The following USP26 variants were observed in gnomAD, a reference collection of about 807,000 sequenced individuals.
The protein encoded by USP26 is ubiquitin carboxyl-terminal hydrolase 26.
For missense variants in USP26, 649 were observed against 642.3 expected (o/e 1.01, Z -0.11); for synonymous variants, 236 against 240.6 (o/e 0.98, Z 0.18).
rs1278670573 is a variant in USP26 at position 133,083,767 on chromosome X, G to A, written c.-137C>T. ...GCAGCCCAGGTTAAAGCAGAAACAG[G>A]GAATCTGTTGGGAAGAGGTCAAAAT... On this transcript the variant is annotated 5_prime_UTR_variant, in exon 5 of 6. Transcript: ENST00000511190. 1 of 111,525 alleles carries A rather than the reference G, an allele frequency of 9.0e-6. No homozygotes were observed. The allele number at this position is 111,525 out of a possible 1,213,427, so 9.2% of individuals were successfully genotyped here. A position where few individuals can be genotyped will look rare whatever the true frequency, so the allele number is the denominator to read the frequency against.
At chrX:133,031,695 C>A (rs755009158) in intron 5 of USP26, among the ~76,000 whole-genome samples, 4 of 111,585 alleles carry the variant, frequency 3.6e-5, no homozygotes, top group African/African-American at 6.5e-5. Context: ...GTATGGAGTA[C>A]TAGAAAGCAT....
At position 133,025,350 on chromosome X, in the gene USP26, T is replaced by C; in HGVS notation, c.*129A>G. On this transcript the variant is annotated 3_prime_UTR_variant, in exon 6 of 6. Transcript: ENST00000511190. The stretch of plus-strand genomic sequence containing the variant: ...TGCAGATCTCCCCATTAAGTGTTTC[T>C]GTTTGACCTTTGGTCCTAGACTAAT... 1 of 1,044,975 alleles carries C rather than the reference T, an allele frequency of 9.6e-7. No individual in the cohort carries two copies. The highest frequency in any genetic ancestry group is 1.3e-6 in the Non-Finnish European group (1 of 774,501). The allele number at this position is 1,044,975 out of a possible 1,213,427, so 86.1% of individuals were successfully genotyped here.
chrX:133,060,857 G>GA (rs1349559596), intron 5 of USP26, among the ~76,000 whole-genome samples: 1 of 110,591 alleles, frequency 9.0e-6, no homozygotes, highest in Non-Finnish European at 1.9e-5. Flanking sequence ...AAAATATTCA[G>GA]AAAAAAAATC....
intron 5 of USP26, among the ~76,000 whole-genome samples, chrX:133,053,257 G>A (rs762477733): frequency 1.5e-4 from 17 of 111,862 alleles, no homozygotes; most frequent in Non-Finnish European, 3.0e-4. Context: ...AAGTACAGAG[G>A]GCTGGCGTGG....
chrX:133,031,577 C>CA (rs201967236), intron 5 of USP26, among the ~76,000 whole-genome samples: 1,848 of 110,844 alleles, frequency 0.017, 20 homozygotes, highest in Middle Eastern at 0.032. Context: ...GGGCACAATA[C>CA]AAAAAAACAT....
At position 133,070,093 on chromosome X, in the gene USP26, T is replaced by C. The variant is rs770273357; in HGVS notation, c.-77+13614A>G. Among the ~76,000 whole-genome samples the C allele has an allele frequency of 1.7e-3, 191 of 111,024 alleles. 2 individuals are homozygous for C. The highest frequency in any genetic ancestry group is 5.9e-3 in the African/African-American group (180 of 30,563). ...CATGAACTATTACAGCAAAAGACGATAGAGGATCTCCTAAGATAAAAATTT... is the reference window on the plus strand; with the variant it reads ...CATGAACTATTACAGCAAAAGACGACAGAGGATCTCCTAAGATAAAAATTT... On this transcript the variant is annotated intron_variant, in intron 5 of 5. Coordinates refer to ENST00000511190, the MANE Select transcript of USP26 (RefSeq NM_031907.3).
In USP26 at chrX:133,025,709, T is replaced by C. The variant is rs2067343296; in HGVS notation, c.2512A>G (p.Lys838Glu). Residue 838 changes from lysine to glutamate, a missense_variant, in exon 6 of 6, where the codon AAG (lysine) becomes GAG (glutamate). By Grantham distance (56) the Lys-to-Glu change is moderately conservative. Transcript: ENST00000511190. ...GCATCACAGATATAATGGCCTGACTTTAGAGTCTTCCCAAGATGGCTGACA... is the reference window on the plus strand; with the variant it reads ...GCATCACAGATATAATGGCCTGACTCTAGAGTCTTCCCAAGATGGCTGACA... ...SVVSHLGKTL[K>E]SGHYICDAYD... is the part of the protein sequence containing the mutation. 1 of 1,211,665 alleles carries C rather than the reference T, an allele frequency of 8.3e-7. No homozygotes were observed. The highest frequency in any genetic ancestry group is 1.1e-6 in the Non-Finnish European group (1 of 895,425).
At chrX:133,055,859 T>G (rs1439317569) in intron 5 of USP26, among the ~76,000 whole-genome samples, 6 of 111,940 alleles carry the variant, frequency 5.4e-5, no homozygotes, top group Non-Finnish European at 1.1e-4. Context: ...ACCAATTCTA[T>G]CAGATTAGAA....
chrX:133,073,150 C>T (rs1038151996), intron 5 of USP26, among the ~76,000 whole-genome samples: 2 of 110,050 alleles, frequency 1.8e-5, no homozygotes, highest in Non-Finnish European at 3.8e-5. Flanking sequence ...AGTAGAAAAC[C>T]AGTACTCCAT....
At chrX:133,049,246 T>G (rs928697223) in intron 5 of USP26, among the ~76,000 whole-genome samples, 32 of 111,798 alleles carry the variant, frequency 2.9e-4, no homozygotes, top group African/African-American at 1.0e-3. Flanking sequence ...GAAACTTGGG[T>G]CACAAAAAAA....
rs1188114419 is a variant in USP26 at position 133,026,939 on chromosome X, T to C, written c.1282A>G (p.Ser428Gly). The C allele has an allele frequency of 8.3e-7, 1 of 1,211,477 alleles. No individual in the cohort carries two copies. Among genetic ancestry groups the C allele is most frequent in the East Asian group, 3.0e-5 (1 of 33,832 alleles). Residue 428 changes from serine to glycine, a missense_variant, in exon 6 of 6, where the codon AGT becomes GGT. Coordinates refer to ENST00000511190, the MANE Select transcript of USP26 (RefSeq NM_031907.3). ...KQVFADDPDT[S>G]GFSCPVITNF... ...GTAATGACAGGGCAAGAAAACCCAC[T>C]GGTGTCAGGATCATCAGCAAAAACC...
intron 4 of USP26, among the ~76,000 whole-genome samples, chrX:133,088,561 AC>A (rs1296003961): frequency 9.0e-6 from 1 of 110,816 alleles, no homozygotes; most frequent in Non-Finnish European, 1.9e-5. Context: ...GAGTTTGGAA[AC>A]CCCTGAGTTA....
chrX:133,028,675 A>G (rs2067365301), intron 5 of USP26, among the ~76,000 whole-genome samples: 1 of 112,002 alleles, frequency 8.9e-6, no homozygotes, highest in Non-Finnish European at 1.9e-5. Flanking sequence ...CTGAAAGTAT[A>G]CTCAATAGAG....
At chrX:133,062,709 C>T (rs2067497553) in intron 5 of USP26, among the ~76,000 whole-genome samples, 1 of 110,710 alleles carries the variant, frequency 9.0e-6, no homozygotes, top group Non-Finnish European at 1.9e-5. Context: ...GCAATAACAT[C>T]CACATCAACA....
chrX:133,037,117 G>T (rs924156958), intron 5 of USP26, among the ~76,000 whole-genome samples: 4 of 111,540 alleles, frequency 3.6e-5, no homozygotes, highest in African/African-American at 1.3e-4. Context: ...TCTCCCATTT[G>T]GTAGGTTGCC....
In USP26 at chrX:133,027,463, C is replaced by A; in HGVS notation, c.758G>T (p.Gly253Val). 1.7e-6 allele frequency: 2 copies of A among 1,210,801 alleles called. No individual in the cohort carries two copies. Among genetic ancestry groups the A allele is most frequent in the South Asian group, 3.5e-5 (2 of 56,953 alleles). The change falls in exon 6 of 6, where the codon GGT (glycine) becomes GTT (valine). Residue 253 changes from glycine (G) to valine (V), a missense_variant. Physicochemically the swap from Gly to Val is moderately radical, Grantham distance 109. Transcript: ENST00000511190. ...TTTCTCAGTGAGAGCTTGGAGAAGACCAATGTCATCTAGGTAAGGATTTCC... is the reference window on the plus strand; with the variant it reads ...TTTCTCAGTGAGAGCTTGGAGAAGAACAATGTCATCTAGGTAAGGATTTCC... ...ATGNPYLDDIGLLQALTEKMV... is the reference protein window; with the variant it reads ...ATGNPYLDDIVLLQALTEKMV...
intron 5 of USP26, among the ~76,000 whole-genome samples, chrX:133,032,769 T>C (rs1210833914): frequency 9.0e-6 from 1 of 111,370 alleles, no homozygotes; most frequent in Non-Finnish European, 1.9e-5. Flanking sequence ...AAGGGTGGAA[T>C]GGAACAATGA....
Position 133,050,976 on chromosome X carries a change from C to G in USP26, c.-76-22680G>C, listed in dbSNP as rs189694316. ...CTAGTAGCTATCATATTTGACAGTACAGATCTAAGATCTATAAAATAAGGT... is the reference window on the plus strand; with the variant it reads ...CTAGTAGCTATCATATTTGACAGTAGAGATCTAAGATCTATAAAATAAGGT... On this transcript the variant is annotated intron_variant, in intron 5 of 5. Transcript: ENST00000511190. 9.8e-5 allele frequency among the ~76,000 whole-genome samples: 11 copies of G among 111,916 alleles called. No homozygotes were observed. In the East Asian group the frequency reaches 2.8e-3, roughly 28 times the overall value.
At chrX:133,095,722 A>G (rs978128131) in intron 1 of USP26, among the ~76,000 whole-genome samples, 1 of 111,631 alleles carries the variant, frequency 9.0e-6, no homozygotes, top group Non-Finnish European at 1.9e-5. Flanking sequence ...TACGTGGCCA[A>G]GACTACTCGG....
Sources: allele counts gnomAD v4.1 joint callset (sites outside exome capture counted in the v4.1 genomes callset), GRCh38; gene constraint gnomAD v4.1.1; transcripts MANE v1.5; gene names NCBI Gene and HGNC (gene_info 2026-07-23, HGNC 2026-07-21).